Variants in FOXP1 observed in about 807,000 individuals in gnomAD.
The protein encoded by FOXP1 is forkhead box P1, also known as forkhead box protein P1.
In FOXP1, 15 loss-of-function variants were observed where a neutral mutation model predicts 98.2. That is an observed-to-expected ratio of 0.15 (90% CI 0.10 to 0.24). FOXP1 has a LOEUF of 0.24. Ranked by LOEUF, FOXP1 falls within the 10% of genes least tolerant of loss-of-function variation. The probability of loss-of-function intolerance (pLI) is 1.00; values close to 1 mark genes in which losing one functional copy is unlikely to be tolerated. For missense variants in FOXP1, 633 were observed against 848.5 expected (o/e 0.75, Z 3.15); for synonymous variants, 371 against 314.5 (o/e 1.18, Z -1.90).
At chr3:71,198,541 T>A (rs2063455441) in intron 5 of FOXP1, 149 bp from the exon 6 acceptor site, 1 of 712,962 alleles carries the variant, frequency 1.4e-6, no homozygotes, top group African/African-American at 1.7e-5. Flanking sequence ...ACTCAACTTA[T>A]CCCCTCATTA....
chr3:71,070,202 C>T (rs2053048506), intron 7 of FOXP1, among the ~76,000 whole-genome samples: 1 of 152,186 alleles, frequency 6.6e-6, no homozygotes, highest in Non-Finnish European at 1.5e-5. Flanking sequence ...AAGGGGGACA[C>T]CCCTAGTGAA....
intron 3 of FOXP1, among the ~76,000 whole-genome samples, chr3:71,405,419 A>G (rs751895713): frequency 6.6e-6 from 1 of 152,236 alleles, no homozygotes; most frequent in Non-Finnish European, 1.5e-5. Context: ...GAGACACACA[A>G]AAGCTCTTTC....
chr3:71,269,713 T>C (rs1289746193), intron 5 of FOXP1, among the ~76,000 whole-genome samples: 1 of 152,174 alleles, frequency 6.6e-6, no homozygotes. Flanking sequence ...GAGAAACAAA[T>C]GACATTTTCT....
intron 6 of FOXP1, among the ~76,000 whole-genome samples, chr3:71,180,940 A>G (rs1044766148): frequency 6.6e-6 from 1 of 152,136 alleles, no homozygotes; most frequent in African/African-American, 2.4e-5. Flanking sequence ...TTCTGTATTG[A>G]TTAGGATATG....
chr3:71,186,495 G>A (rs558979737), intron 6 of FOXP1, among the ~76,000 whole-genome samples: 63 of 152,276 alleles, frequency 4.1e-4, no homozygotes, highest in African/African-American at 1.4e-3. Flanking sequence ...GGCGGATCAC[G>A]AGGTCAAGAG....
At chr3:71,158,240 A>C (rs562644879) in intron 6 of FOXP1, among the ~76,000 whole-genome samples, 4 of 152,076 alleles carry the variant, frequency 2.6e-5, no homozygotes, top group Admixed American at 1.3e-4. Flanking sequence ...GAAGAGAGAC[A>C]GAAAGAGTGA....
chr3:71,053,777 G>C lies in FOXP1; in HGVS notation c.283-4C>G, dbSNP rs368371722. ...TCATAGCCACTGACACGGGAACCTA[G>C]AATGTTAATGAAGGATAAATAGGAA... On this transcript the variant is annotated splice_polypyrimidine_tract_variant and splice_region_variant and intron_variant, in intron 7 of 20. Coordinates refer to ENST00000649528, the MANE Select transcript of FOXP1 (RefSeq NM_001349338.3). The C allele has an allele frequency of 5.0e-6, 8 of 1,613,974 alleles. No individual in the cohort carries two copies. Among genetic ancestry groups the C allele is most frequent in the Middle Eastern group, 1.7e-4 (1 of 6,060 alleles).
At chr3:70,972,207 A>G in intron 18 of FOXP1, 1 of 1,500,502 alleles carries the variant, frequency 6.7e-7, no homozygotes, top group South Asian at 1.3e-5. Flanking sequence ...AGCAAAGGAG[A>G]TGGAGTGGCA....
At chr3:71,336,048 C>T (rs1198484770) in intron 4 of FOXP1, among the ~76,000 whole-genome samples, 6 of 81,426 alleles carry the variant, frequency 7.4e-5, no homozygotes, top group African/African-American at 2.9e-4. Flanking sequence ...AAAAAAGGTA[C>T]AAGGTGAGTC....
At chr3:71,337,352 G>A (rs2076746905) in intron 4 of FOXP1, among the ~76,000 whole-genome samples, 1 of 152,146 alleles carries the variant, frequency 6.6e-6, no homozygotes, top group Admixed American at 6.5e-5. Flanking sequence ...GTAAAATTTA[G>A]TCCCTCAGTT....
At chr3:70,971,427 C>G (rs1375062926) in intron 18 of FOXP1, 1 of 154,792 alleles carries the variant, frequency 6.5e-6, no homozygotes, top group Non-Finnish European at 1.4e-5. Flanking sequence ...ATGAAACTAA[C>G]ATACTGTTGT....
chr3:71,034,852 C>A (rs1277421640), intron 11 of FOXP1, among the ~76,000 whole-genome samples: 1 of 152,158 alleles, frequency 6.6e-6, no homozygotes, highest in East Asian at 1.9e-4. Flanking sequence ...ACTCTGTTGG[C>A]TCACGTAAGA....
At chr3:71,223,680 C>T (rs1174776524) in intron 5 of FOXP1, among the ~76,000 whole-genome samples, 16 of 131,860 alleles carry the variant, frequency 1.2e-4, no homozygotes, top group African/African-American at 3.6e-4. Context: ...GGTGACAGAG[C>T]GAGACTACGT....
At chr3:71,538,730 T>C (rs1444198112) in intron 2 of FOXP1, among the ~76,000 whole-genome samples, 2 of 152,180 alleles carry the variant, frequency 1.3e-5, no homozygotes, top group African/African-American at 4.8e-5. Context: ...TGCGTGTGGT[T>C]TGGTTTCACA....
chr3:71,219,230 T>C (rs13319585), intron 5 of FOXP1, among the ~76,000 whole-genome samples: 18,565 of 152,090 alleles, frequency 0.12, 1,289 homozygotes, highest in South Asian at 0.24. Context: ...CAAATGCAAC[T>C]CCTAGTCTGG....
chr3:71,520,214 T>C (rs865995148), intron 2 of FOXP1, among the ~76,000 whole-genome samples: 5 of 152,360 alleles, frequency 3.3e-5, no homozygotes, highest in Middle Eastern at 6.8e-3. Context: ...GAACCACTCA[T>C]AGACTTCTGT....
intron 4 of FOXP1, among the ~76,000 whole-genome samples, chr3:71,309,346 A>C (rs1447995802): frequency 6.6e-6 from 1 of 152,230 alleles, no homozygotes; most frequent in Non-Finnish European, 1.5e-5. Context: ...AACATTTAAA[A>C]AATATTTTTA....
chr3:70,986,509 A>T (rs962564603), intron 14 of FOXP1, among the ~76,000 whole-genome samples: 3 of 152,244 alleles, frequency 2.0e-5, no homozygotes, highest in Non-Finnish European at 4.4e-5. Flanking sequence ...CACTAAAGCC[A>T]TCTGAAGACT....
chr3:71,538,169 T>G (rs2044460792), intron 2 of FOXP1, among the ~76,000 whole-genome samples: 2 of 152,234 alleles, frequency 1.3e-5, no homozygotes, highest in African/African-American at 4.8e-5. Context: ...ATCTTTTTAT[T>G]AAGATACAAT....
Sources: allele counts gnomAD v4.1 joint callset (sites outside exome capture counted in the v4.1 genomes callset), GRCh38; gene constraint gnomAD v4.1.1; transcripts MANE v1.5; gene names NCBI Gene and HGNC (gene_info 2026-07-23, HGNC 2026-07-21).